The following FGF12 variants were observed in gnomAD, a reference collection of about 807,000 sequenced individuals.
The protein encoded by FGF12 is fibroblast growth factor 12B.
Under a neutral mutation model 23.6 loss-of-function variants are expected in FGF12, and 14 were observed. The ratio of observed to expected loss-of-function variants is 0.59; its 90% CI spans 0.39 to 0.93. FGF12 has a LOEUF of 0.93. Ranked by LOEUF, FGF12 falls within the 40% of genes least tolerant of loss-of-function variation. FGF12 has a pLI of 0.00. For synonymous variants in FGF12, 62 were observed against 77.3 expected, an observed-to-expected ratio of 0.80 and a Z score of 1.04; for missense variants, 175 against 217.8, an observed-to-expected ratio of 0.80 and a Z score of 1.24.
At chr3:192,440,708 C>T (rs1383184202) in intron 2 of FGF12, among the ~76,000 whole-genome samples, 1 of 152,194 alleles carries the variant, frequency 6.6e-6, no homozygotes, top group Non-Finnish European at 1.5e-5. Context: ...ACCTAACTCT[C>T]TTTACTCTTC....
intron 2 of FGF12, among the ~76,000 whole-genome samples, chr3:192,418,123 T>C (rs1165914459): frequency 2.6e-5 from 4 of 152,146 alleles, no homozygotes; most frequent in African/African-American, 9.7e-5. Flanking sequence ...AGATGCAAAT[T>C]ACTCTCCACA....
intron 4 of FGF12, among the ~76,000 whole-genome samples, chr3:192,197,428 CT>C (rs1427925068): frequency 1.3e-5 from 2 of 152,160 alleles, no homozygotes; most frequent in Non-Finnish European, 2.9e-5. Context: ...GACATTTGAA[CT>C]GCAGTGTTGT....
In FGF12 at chr3:192,225,826, C is replaced by T. The variant is rs147723748; in HGVS notation, c.229-55170G>A. Reference sequence around the variant, plus strand: ...TTATAACATGGATGAACCTTGAAAACATGCTAAGTAAAAGAAGCCAGCCAT... The same window carrying T: ...TTATAACATGGATGAACCTTGAAAATATGCTAAGTAAAAGAAGCCAGCCAT... On this transcript the variant is annotated intron_variant, in intron 4 of 5. Transcript: ENST00000445105. 5.5e-3 allele frequency among the ~76,000 whole-genome samples: 838 copies of T among 152,178 alleles called. 2 individuals carry two copies. Among genetic ancestry groups the T allele is most frequent in the Non-Finnish European group, 8.4e-3 (568 of 67,996 alleles).
intron 4 of FGF12, among the ~76,000 whole-genome samples, chr3:192,240,302 A>G (rs545399835): frequency 2.9e-4 from 44 of 152,338 alleles, no homozygotes; most frequent in African/African-American, 9.4e-4. Flanking sequence ...CCATTCAAGA[A>G]AAGATAAATC....
At chr3:192,441,836 T>C (rs550516970) in intron 2 of FGF12, among the ~76,000 whole-genome samples, 1 of 152,320 alleles carries the variant, frequency 6.6e-6, no homozygotes, top group South Asian at 2.1e-4. Flanking sequence ...GTGAACAATT[T>C]CATCCATTAC....
rs1366536868 is a variant in FGF12 at position 192,708,950 on chromosome 3, T to C, written c.13+18231A>G. ...CAATATATTTTTATAGTTCTTAGCT[T>C]TCCCATAATATACCATTTGCTAATC... On this transcript the variant is annotated intron_variant, in intron 2 of 5. Coordinates refer to ENST00000445105, the MANE Select transcript of FGF12 (RefSeq NM_004113.6). Among the ~76,000 whole-genome samples, 5 of 152,332 alleles carry C rather than the reference T, an allele frequency of 3.3e-5. No homozygotes were observed. The East Asian group carries it at 9.6e-4, about 29-fold the overall frequency.
intron 2 of FGF12, among the ~76,000 whole-genome samples, chr3:192,515,834 C>CCTT (rs1553824363): frequency 6.8e-6 from 1 of 147,660 alleles, no homozygotes; most frequent in Non-Finnish European, 1.5e-5. Context: ...CCCCTTGACT[C>CCTT]TTTTTTTTTT....
chr3:192,248,981 G>A (rs1227420047), intron 4 of FGF12, among the ~76,000 whole-genome samples: 4 of 152,086 alleles, frequency 2.6e-5, no homozygotes, highest in Non-Finnish European at 5.9e-5. Context: ...TTTAACAACT[G>A]TTTTGGCGCT....
In FGF12 at chr3:192,400,181, C is replaced by G. The variant is rs1720698553; in HGVS notation, c.14-39643G>C. 2.6e-5 allele frequency among the ~76,000 whole-genome samples: 4 copies of G among 152,068 alleles called. No individual in the cohort carries two copies. The South Asian group carries it at 8.3e-4, about 32-fold the overall frequency. On this transcript the variant is annotated intron_variant, in intron 2 of 5. Transcript: ENST00000445105. ...AGGCCTATAAATACTACAAACGAAT[C>G]AAATAACTAACAATAGGCAGAAAAA...
intron 5 of FGF12, among the ~76,000 whole-genome samples, chr3:192,161,123 T>C (rs1233109927): frequency 6.6e-6 from 1 of 152,078 alleles, no homozygotes; most frequent in Non-Finnish European, 1.5e-5. Flanking sequence ...AAAGAGATTC[T>C]AAGGATCATT....
At chr3:192,422,735 G>A (rs1007406737) in intron 2 of FGF12, among the ~76,000 whole-genome samples, 1 of 152,106 alleles carries the variant, frequency 6.6e-6, no homozygotes, top group Non-Finnish European at 1.5e-5. Context: ...AAGTAACTTG[G>A]CTAAGGTTAT....
intron 2 of FGF12, among the ~76,000 whole-genome samples, chr3:192,560,001 G>A (rs538917888): frequency 1.6e-4 from 24 of 152,070 alleles, no homozygotes; most frequent in African/African-American, 4.3e-4. Flanking sequence ...CATAAAATAA[G>A]TAGCAATAAA....
intron 2 of FGF12, among the ~76,000 whole-genome samples, chr3:192,447,119 G>A (rs1056087553): frequency 2.0e-5 from 3 of 152,136 alleles, no homozygotes; most frequent in African/African-American, 7.2e-5. Context: ...TTCCCCAGTA[G>A]AGGAAATAGT....
At chr3:192,644,179 C>T (rs1255911839) in intron 2 of FGF12, among the ~76,000 whole-genome samples, 3 of 152,168 alleles carry the variant, frequency 2.0e-5, no homozygotes, top group South Asian at 2.1e-4. Context: ...AATGTAAATA[C>T]ATGTTTTGCT....
At chr3:192,426,501 T>C (rs989507071) in intron 2 of FGF12, among the ~76,000 whole-genome samples, 1 of 152,200 alleles carries the variant, frequency 6.6e-6, no homozygotes, top group Admixed American at 6.5e-5. Context: ...TTTGAAAATA[T>C]ATTAGGCTTC....
intron 2 of FGF12, among the ~76,000 whole-genome samples, chr3:192,395,903 A>G (rs995605322): frequency 1.4e-4 from 22 of 152,212 alleles, no homozygotes; most frequent in African/African-American, 5.3e-4. Context: ...AGAAATAAAA[A>G]CATCTATAAA....
rs996960391 is a variant in FGF12, at chr3:192,190,477, T to C, written c.229-19821A>G. Among the ~76,000 whole-genome samples, 3 of 134,294 alleles carry C rather than the reference T, an allele frequency of 2.2e-5. No homozygotes were observed. In the East Asian group the frequency reaches 6.4e-4, roughly 29 times the overall value. 88.1% of individuals were successfully genotyped at this position (134,294 alleles called of 152,430 possible). A position where few individuals can be genotyped will look rare whatever the true frequency, so the allele number is the denominator to read the frequency against. Reference sequence around the variant, plus strand: ...CTGTAAGCCCAATACTCTTTTTTTTTTTTTTTTTTTTTTTTTGAGACTGAG... The same window carrying C: ...CTGTAAGCCCAATACTCTTTTTTTTCTTTTTTTTTTTTTTTTGAGACTGAG... On this transcript the variant is annotated intron_variant, in intron 4 of 5. Coordinates refer to ENST00000445105, the MANE Select transcript of FGF12 (RefSeq NM_004113.6).
intron 5 of FGF12, among the ~76,000 whole-genome samples, chr3:192,160,158 G>T (rs1467205610): frequency 6.6e-6 from 1 of 152,050 alleles, no homozygotes; most frequent in East Asian, 1.9e-4. Context: ...TAAAACCCTA[G>T]AGTCCAATCT....
intron 2 of FGF12, among the ~76,000 whole-genome samples, chr3:192,528,745 C>G (rs1360897591): frequency 1.3e-5 from 2 of 152,330 alleles, no homozygotes; most frequent in African/African-American, 2.4e-5. Flanking sequence ...ATCTTGACTT[C>G]TGTGCACTGG....
Sources: gnomAD v4.1 joint callset for allele counts (sites outside exome capture counted in the v4.1 genomes callset) on GRCh38, gnomAD v4.1.1 for gene constraint, MANE v1.5 for transcripts, NCBI Gene and HGNC (gene_info 2026-07-23, HGNC 2026-07-21) for gene names.